ZNF680: variants seen among roughly 807,000 people sequenced by gnomAD.
ZNF680 encodes zinc finger protein 680, also known as hypothetical protein FLJ90430.
In ZNF680, 6 loss-of-function variants were observed where a neutral mutation model predicts 12.1. That is an observed-to-expected ratio of 0.49 (90% confidence interval 0.27 to 0.98). The LOEUF (loss-of-function observed/expected upper bound fraction) is 0.98, where lower values mean the gene tolerates loss of function less well. Ranked by LOEUF, ZNF680 falls within the 50% of genes least tolerant of loss-of-function variation. The probability of loss-of-function intolerance (pLI) is 0.12; values close to 1 mark genes in which losing one functional copy is unlikely to be tolerated. For missense variants in ZNF680, 561 were observed against 616.3 expected, an observed-to-expected ratio of 0.91 and a Z score of 0.95; for synonymous variants, 170 against 199.3, an observed-to-expected ratio of 0.85 and a Z score of 1.24.
At chr7:64,510,788 T>C in the ZNF680 span, among the ~76,000 whole-genome samples, 1 of 129,292 alleles carries the variant, frequency 7.7e-6, no homozygotes, top group Admixed American at 7.9e-5. Flanking sequence ...CGGGCGCCTG[T>C]AGTCCCAGCT....
At chr7:64,525,847 T>C in intron 3 of ZNF680, 1 of 984,998 alleles carries the variant, frequency 1.0e-6, no homozygotes. Context: ...CAAGATTAAA[T>C]AACCATTTGC....
In ZNF680 at chr7:64,521,688, C is replaced by T. The variant is rs1355852835; in HGVS notation, c.1066G>A (p.Gly356Ser). The T allele has an allele frequency of 6.2e-7, 1 of 1,612,252 alleles. No individual in the cohort carries two copies. Among genetic ancestry groups the T allele is most frequent in the Non-Finnish European group, 8.5e-7 (1 of 1,179,746 alleles). ...GEKPYKCEEC[G>S]KAFNQFANLT... is the part of the protein sequence containing the mutation. ...TTTGCAAACTGGTTAAAAGCTTTGC[C>T]ACATTCTTCACATTTGTAGGGTTTC... The change falls in exon 4 of 4, where the codon GGC becomes AGC. Residue 356 changes from glycine to serine, a missense_variant. Physicochemically the swap from Gly to Ser is moderately conservative, Grantham distance 56 (BLOSUM62 0). Coordinates refer to ENST00000309683, the MANE Select transcript of ZNF680 (RefSeq NM_178558.5).
chr7:64,557,181 G>A (rs943711197), intron 1 of ZNF680, among the ~76,000 whole-genome samples: 7 of 151,862 alleles, frequency 4.6e-5, no homozygotes, highest in Admixed American at 4.6e-4. Context: ...AACCTGGGAG[G>A]TAGAGCTTGC....
intron 1 of ZNF680, among the ~76,000 whole-genome samples, chr7:64,554,077 G>C (rs867125661): frequency 6.8e-6 from 1 of 146,800 alleles, no homozygotes; most frequent in South Asian, 2.2e-4. Context: ...CCCTCTGCCC[G>C]GCCGCCCAGT....
At chr7:64,518,019 G>A (rs1469911770), downstream of ZNF680, among the ~76,000 whole-genome samples, 1 of 152,040 alleles carries the variant, frequency 6.6e-6, no homozygotes, top group African/African-American at 2.4e-5. Flanking sequence ...TCTGAAAACA[G>A]GAACAACACC....
intron 2 of ZNF680, 56 bp from the exon 3 acceptor site, chr7:64,543,858 C>T: frequency 1.4e-6 from 2 of 1,439,988 alleles, no homozygotes; most frequent in South Asian, 2.3e-5. Flanking sequence ...AATTACCAAA[C>T]TACTAATGTG....
chr7:64,536,933 G>C (rs773234871), intron 3 of ZNF680, among the ~76,000 whole-genome samples: 25 of 152,084 alleles, frequency 1.6e-4, no homozygotes, highest in Non-Finnish European at 3.5e-4. Flanking sequence ...AGCTAGACAT[G>C]ATAGTGCATG....
intron 1 of ZNF680, among the ~76,000 whole-genome samples, chr7:64,557,787 G>T (rs1019738813): frequency 2.6e-5 from 4 of 152,204 alleles, no homozygotes; most frequent in African/African-American, 9.6e-5. Context: ...TACTCAGAAG[G>T]CTGAGGCAGA....
the ZNF680 span, among the ~76,000 whole-genome samples, chr7:64,510,014 G>A: frequency 0.25 from 32,293 of 129,846 alleles, 3,832 homozygotes; most frequent in South Asian, 0.31. Context: ...TCCTTTAACC[G>A]TAAAACTCTA....
chr7:64,507,595 G>A, the ZNF680 span, among the ~76,000 whole-genome samples: 269 of 150,786 alleles, frequency 1.8e-3, 2 homozygotes, highest in African/African-American at 5.9e-3. Flanking sequence ...TCTGTCTCCC[G>A]GGTTCACGTG....
At chr7:64,502,111 C>T in the ZNF680 span, among the ~76,000 whole-genome samples, 1 of 144,658 alleles carries the variant, frequency 6.9e-6, no homozygotes, top group East Asian at 2.1e-4. Flanking sequence ...TTAAGTAATT[C>T]TCCTGCCTCA....
At chr7:64,536,327 G>C (rs553284639) in intron 3 of ZNF680, among the ~76,000 whole-genome samples, 1 of 152,260 alleles carries the variant, frequency 6.6e-6, no homozygotes, top group African/African-American at 2.4e-5. Flanking sequence ...TCACACTTTG[G>C]CAGACTGTAC....
At chr7:64,551,664 C>T (rs1255634602) in intron 1 of ZNF680, 2 of 153,382 alleles carry the variant, frequency 1.3e-5, no homozygotes, top group African/African-American at 4.8e-5. Flanking sequence ...AAAGAGACAG[C>T]TCCAAGAGTT....
At chr7:64,516,080 T>C (rs1168616984), downstream of ZNF680, among the ~76,000 whole-genome samples, 1 of 152,200 alleles carries the variant, frequency 6.6e-6, no homozygotes, top group Non-Finnish European at 1.5e-5. Context: ...ACATTTCTTT[T>C]TATTCCTAGT....
intron 1 of ZNF680, among the ~76,000 whole-genome samples, chr7:64,549,952 C>T (rs1396739804): frequency 6.6e-6 from 1 of 152,144 alleles, no homozygotes; most frequent in Non-Finnish European, 1.5e-5. Flanking sequence ...CATTGCACTC[C>T]AGCCTGGGCG....
chr7:64,538,572 C>T (rs984640651), intron 3 of ZNF680, among the ~76,000 whole-genome samples: 9 of 152,178 alleles, frequency 5.9e-5, no homozygotes, highest in Non-Finnish European at 1.0e-4. Flanking sequence ...AATCCTCTTA[C>T]ACCCATTATA....
At chr7:64,513,677 GCT>G in the ZNF680 span, among the ~76,000 whole-genome samples, 4 of 150,784 alleles carry the variant, frequency 2.7e-5, no homozygotes, top group South Asian at 2.1e-4. Context: ...ATAGATTCTC[GCT>G]CTGTCACCCA....
chr7:64,548,282 A>G (rs1189734825), intron 1 of ZNF680, among the ~76,000 whole-genome samples: 4 of 152,290 alleles, frequency 2.6e-5, no homozygotes, highest in Admixed American at 6.5e-5. Context: ...AATACAAACA[A>G]TAACAACTCT....
chr7:64,515,533 A>G (rs1791334038), downstream of ZNF680, among the ~76,000 whole-genome samples: 1 of 152,128 alleles, frequency 6.6e-6, no homozygotes, highest in African/African-American at 2.4e-5. Context: ...CCCATGAGTC[A>G]TTGCCTCCAC....
Sources: allele counts gnomAD v4.1 joint callset (sites outside exome capture counted in the v4.1 genomes callset), GRCh38; gene constraint gnomAD v4.1.1; transcripts MANE v1.5; gene names NCBI Gene and HGNC (gene_info 2026-07-23, HGNC 2026-07-21).